The following PSMD14 variants were observed in gnomAD, a reference collection of about 807,000 sequenced individuals.
The protein encoded by PSMD14 is ubiquitin C-terminal hydrolase PSMD14.
PSMD14 carries 7 observed loss-of-function variants against 41.2 expected under a neutral mutation model. The ratio of observed to expected loss-of-function variants is 0.17; its 90% CI spans 0.10 to 0.32. The LOEUF is 0.32. Among genes scored for constraint, PSMD14 ranks in the 10% least tolerant of loss-of-function variants. The pLI, the probability that PSMD14 is intolerant of heterozygous loss-of-function variation, is 1.00. For synonymous variants in PSMD14, 114 were observed against 122.3 expected, an observed-to-expected ratio of 0.93 and a Z score of 0.45; for missense variants, 139 against 375.6, an observed-to-expected ratio of 0.37 and a Z score of 5.21.
intron 3 of PSMD14, among the ~76,000 whole-genome samples, chr2:161,324,686 T>G (rs1388332771): frequency 6.6e-6 from 1 of 151,278 alleles, no homozygotes; most frequent in Non-Finnish European, 1.5e-5. Context: ...AGTAGACTTG[T>G]GAGGTAATTT....
intron 10 of PSMD14, among the ~76,000 whole-genome samples, chr2:161,399,882 AACAT>A (rs1282098297): frequency 3.9e-5 from 6 of 152,180 alleles, no homozygotes; most frequent in Non-Finnish European, 5.9e-5. Context: ...ATTTCACAAA[AACAT>A]ACAGAAATAT....
chr2:161,406,966 C>G (rs1683955902), intron 10 of PSMD14, among the ~76,000 whole-genome samples: 2 of 151,988 alleles, frequency 1.3e-5, no homozygotes, highest in African/African-American at 2.4e-5. Flanking sequence ...TTGTTGTTTG[C>G]AATATTCCGC....
intron 8 of PSMD14, among the ~76,000 whole-genome samples, chr2:161,390,330 T>A (rs1214037179): frequency 6.6e-6 from 1 of 152,170 alleles, no homozygotes; most frequent in Non-Finnish European, 1.5e-5. Flanking sequence ...CTGACTTTCA[T>A]GTTTTTCTAG....
intron 1 of PSMD14, among the ~76,000 whole-genome samples, chr2:161,315,841 CTTTT>C (rs34015300): frequency 3.1e-5 from 3 of 96,782 alleles, no homozygotes; most frequent in Middle Eastern, 4.9e-3. Context: ...TTATTTTATT[CTTTT>C]TTTTTTTTTT....
At chr2:161,324,659 A>AT (rs535777564) in intron 3 of PSMD14, among the ~76,000 whole-genome samples, 54 of 137,330 alleles carry the variant, frequency 3.9e-4, no homozygotes, top group African/African-American at 8.4e-4. Flanking sequence ...AAGTATGAAG[A>AT]TTTTTTTTTT....
At chr2:161,388,668 C>T (rs987492751) in intron 8 of PSMD14, among the ~76,000 whole-genome samples, 5 of 152,124 alleles carry the variant, frequency 3.3e-5, no homozygotes, top group Admixed American at 2.0e-4. Context: ...CAGTTACCAC[C>T]GTATTTTCAG....
At chr2:161,348,856 T>C (rs1338409727) in intron 3 of PSMD14, among the ~76,000 whole-genome samples, 1 of 152,136 alleles carries the variant, frequency 6.6e-6, no homozygotes, top group African/African-American at 2.4e-5. Flanking sequence ...CATTAGACCT[T>C]TTTGTATTTC....
chr2:161,366,768 A>G (rs1040023569), intron 3 of PSMD14, among the ~76,000 whole-genome samples: 4 of 152,212 alleles, frequency 2.6e-5, no homozygotes, highest in Non-Finnish European at 5.9e-5. Flanking sequence ...GGTGAATGTT[A>G]TAGTCAAGAG....
At chr2:161,310,815 G>A (rs917001441) in intron 1 of PSMD14, among the ~76,000 whole-genome samples, 1 of 152,146 alleles carries the variant, frequency 6.6e-6, no homozygotes, top group East Asian at 1.9e-4. Context: ...TGGTTCAAGA[G>A]CCTTTTTCAC....
At chr2:161,342,999 G>A (rs922653253) in intron 3 of PSMD14, among the ~76,000 whole-genome samples, 3 of 151,998 alleles carry the variant, frequency 2.0e-5, no homozygotes, top group African/African-American at 7.3e-5. Context: ...GGACCTTTGT[G>A]CTATATGTTG....
chr2:161,330,941 G>A (rs376720455), intron 3 of PSMD14, among the ~76,000 whole-genome samples: 2 of 152,014 alleles, frequency 1.3e-5, no homozygotes, highest in Admixed American at 6.6e-5. Flanking sequence ...TGTTGTAAAC[G>A]GAGCCTGAGT....
chr2:161,356,758 A>G (rs1214152502), intron 3 of PSMD14, among the ~76,000 whole-genome samples: 1 of 62,476 alleles, frequency 1.6e-5, no homozygotes, highest in Non-Finnish European at 2.9e-5. Flanking sequence ...AAATATTCAA[A>G]CTCCTTTTTT....
intron 1 of PSMD14, among the ~76,000 whole-genome samples, chr2:161,310,607 C>T (rs1225381216): frequency 6.6e-6 from 1 of 152,150 alleles, no homozygotes; most frequent in Non-Finnish European, 1.5e-5. Flanking sequence ...ACAATTATAA[C>T]AAGAATAGCA....
At position 161,371,162 on chromosome 2, in the gene PSMD14, T is replaced by C. The variant is rs1043376273; in HGVS notation, c.312-10T>C. On this transcript the variant is annotated splice_polypyrimidine_tract_variant and intron_variant, in intron 6 of 11. Coordinates refer to ENST00000409682, the MANE Select transcript of PSMD14 (RefSeq NM_005805.6). ...CTGTTCTGAGCATCTGAATGCCCTC[T>C]TTGTTTCAGGCCGGAGATGGTTGTT... is the stretch of plus-strand genomic sequence containing the variant. 1 of 1,611,938 alleles carries C rather than the reference T, an allele frequency of 6.2e-7. No individual in the cohort carries two copies. Among genetic ancestry groups the C allele is most frequent in the African/African-American group, 1.3e-5 (1 of 74,876 alleles).
intron 3 of PSMD14, among the ~76,000 whole-genome samples, chr2:161,331,228 C>G (rs1682783855): frequency 6.7e-6 from 1 of 150,030 alleles, no homozygotes; most frequent in Non-Finnish European, 1.5e-5. Context: ...TTCCTGATTT[C>G]TACTGTATAG....
intron 8 of PSMD14, among the ~76,000 whole-genome samples, chr2:161,388,111 A>G (rs1683657267): frequency 6.6e-6 from 1 of 152,112 alleles, no homozygotes; most frequent in Non-Finnish European, 1.5e-5. Flanking sequence ...TTGGATTCTT[A>G]AGTGTCACAG....
At chr2:161,356,811 G>A (rs1437277583) in intron 3 of PSMD14, among the ~76,000 whole-genome samples, 9 of 143,536 alleles carry the variant, frequency 6.3e-5, no homozygotes, top group African/African-American at 7.7e-5. Context: ...GTCATTTCCC[G>A]AGATAACTTT....
At chr2:161,326,563 A>G (rs1294118536) in intron 3 of PSMD14, among the ~76,000 whole-genome samples, 2 of 152,224 alleles carry the variant, frequency 1.3e-5, no homozygotes, top group African/African-American at 2.4e-5. Context: ...TATGTGCCCA[A>G]AATAATTGAA....
chr2:161,404,324 GTATT>G (rs1296580741), intron 10 of PSMD14, among the ~76,000 whole-genome samples: 8 of 152,058 alleles, frequency 5.3e-5, no homozygotes, highest in Admixed American at 3.3e-4. Context: ...TGCTCAATAA[GTATT>G]TATTAAATGA....
Sources: allele counts gnomAD v4.1 joint callset (sites outside exome capture counted in the v4.1 genomes callset), GRCh38; gene constraint gnomAD v4.1.1; transcripts MANE v1.5; gene names NCBI Gene and HGNC (gene_info 2026-07-23, HGNC 2026-07-21).